Variants in GPR149 observed in about 807,000 individuals in gnomAD.
The protein encoded by GPR149 is G protein-coupled receptor 149, also known as probable G protein-coupled receptor 149.
Under a neutral mutation model 50.2 loss-of-function variants are expected in GPR149, and 50 were observed. The observed-to-expected ratio is 1.00, with a 90% CI of 0.79 to 1.26. The LOEUF (loss-of-function observed/expected upper bound fraction) is 1.26, where lower values mean the gene tolerates loss of function less well. Among genes scored for constraint, GPR149 ranks in the 50% most tolerant of loss-of-function variants. The pLI, the probability that GPR149 is intolerant of heterozygous loss-of-function variation, is 0.00. For missense variants in GPR149, 983 were observed against 895.4 expected (o/e 1.10, Z -1.25); for synonymous variants, 405 against 358.2 (o/e 1.13, Z -1.48).
chr3:154,394,908 C>A (rs2108414660), intron 3 of GPR149, among the ~76,000 whole-genome samples: 1 of 152,200 alleles, frequency 6.6e-6, no homozygotes, highest in Admixed American at 6.5e-5. Context: ...TTGTAATGAT[C>A]TTCTAATAGC....
intron 3 of GPR149, among the ~76,000 whole-genome samples, chr3:154,412,440 C>A (rs979020479): frequency 6.6e-6 from 1 of 152,098 alleles, no homozygotes; most frequent in Non-Finnish European, 1.5e-5. Context: ...AACGACTCAT[C>A]TAAAAAGCTC....
At chr3:154,369,344 G>C (rs2108399841) in intron 3 of GPR149, among the ~76,000 whole-genome samples, 1 of 152,332 alleles carries the variant, frequency 6.6e-6, no homozygotes, top group South Asian at 2.1e-4. Context: ...CCCTTCTACA[G>C]CTAGATCTTT....
At position 154,382,397 on chromosome 3, in the gene GPR149, C is replaced by T. The variant is rs149808948; in HGVS notation, c.1623+38642G>A. Among the ~76,000 whole-genome samples the T allele has an allele frequency of 6.3e-3, 965 of 152,254 alleles. 7 individuals are homozygous for T. Among genetic ancestry groups the T allele is most frequent in the African/African-American group, 0.022 (928 of 41,544 alleles). The stretch of plus-strand genomic sequence containing the variant: ...CCAAGGTGGATGGTGTGGGGAAACA[C>T]TCAGAAATCCAGGAAGGCTGCTGGT... On this transcript the variant is annotated intron_variant, in intron 3 of 3. Transcript: ENST00000389740.
chr3:154,429,709 T>A lies in GPR149; in HGVS notation c.-94A>T. 8.8e-7 allele frequency: 1 copy of A among 1,141,128 alleles called. No homozygotes were observed. The highest frequency in any genetic ancestry group is 2.4e-5 in the East Asian group (1 of 42,502). The allele number at this position is 1,141,128 out of a possible 1,614,324, so 70.7% of individuals were successfully genotyped here. A position where few individuals can be genotyped will look rare whatever the true frequency, so the allele number is the denominator to read the frequency against. On this transcript the variant is annotated 5_prime_UTR_variant, in exon 1 of 4. Transcript: ENST00000389740. ...GCTGCAAATCAGATTTCATTCCTCC[T>A]ACCAAGTTCCCCTCTAGATGTTCTC...
intron 3 of GPR149, among the ~76,000 whole-genome samples, chr3:154,374,442 C>T (rs527590179): frequency 1.4e-4 from 21 of 151,846 alleles, no homozygotes; most frequent in Admixed American, 2.6e-4. Flanking sequence ...TAAAGTGCTG[C>T]GATTACAGGC....
intron 3 of GPR149, 38 bp downstream of exon 3, chr3:154,421,001 C>A: frequency 7.1e-7 from 1 of 1,412,238 alleles, no homozygotes; most frequent in Non-Finnish European, 9.7e-7. Context: ...TATTTAGTAT[C>A]ACTTTCAATT....
chr3:154,378,100 T>A (rs1714835790), intron 3 of GPR149, among the ~76,000 whole-genome samples: 1 of 133,236 alleles, frequency 7.5e-6, no homozygotes, highest in African/African-American at 2.9e-5. Context: ...TTTTTTTTTT[T>A]TGAGATGGAG....
chr3:154,413,125 C>T (rs537845071), intron 3 of GPR149, among the ~76,000 whole-genome samples: 2 of 152,100 alleles, frequency 1.3e-5, no homozygotes, highest in South Asian at 4.1e-4. Flanking sequence ...ACTGGATCCT[C>T]ATCTTTCATC....
intron 1 of GPR149, 77 bp from the exon 2 acceptor site, chr3:154,427,785 G>A: frequency 7.5e-7 from 1 of 1,326,830 alleles, no homozygotes; most frequent in Non-Finnish European, 1.0e-6. Context: ...CACGCACGCT[G>A]CCTCAGTTCC....
At chr3:154,371,342 T>C (rs1714659611) in intron 3 of GPR149, among the ~76,000 whole-genome samples, 1 of 152,146 alleles carries the variant, frequency 6.6e-6, no homozygotes, top group South Asian at 2.1e-4. Context: ...GAACAATGCT[T>C]TCTCTCCTTT....
chr3:154,413,423 C>A (rs748817772), intron 3 of GPR149, among the ~76,000 whole-genome samples: 12 of 151,980 alleles, frequency 7.9e-5, no homozygotes, highest in Non-Finnish European at 1.3e-4. Flanking sequence ...AGAGTGATAT[C>A]TAGAATCTAC....
intron 1 of GPR149, among the ~76,000 whole-genome samples, chr3:154,428,416 T>C (rs961598801): frequency 5.3e-5 from 8 of 152,178 alleles, no homozygotes; most frequent in East Asian, 1.9e-4. Flanking sequence ...CCCTGACTTT[T>C]GAAAGGAGAA....
chr3:154,338,044 T>A lies in GPR149; in HGVS notation c.1851A>T (p.Ile617=), dbSNP rs1713697165. ...SSTFVDTSVK[I]HLEVLEICDN... ...CACAAATTTCAAGAACCTCCAAGTGTATTTTCACACTGGTGTCCACAAACG... is the reference window on the plus strand; with the variant it reads ...CACAAATTTCAAGAACCTCCAAGTGAATTTTCACACTGGTGTCCACAAACG... Residue 617 remains isoleucine (I), a synonymous_variant, in exon 4 of 4, where the codon ATA becomes ATT. Coordinates refer to ENST00000389740, the MANE Select transcript of GPR149 (RefSeq NM_001038705.3). 6.2e-7 allele frequency: 1 copy of A among 1,614,102 alleles called. No individual in the cohort carries two copies. The highest frequency in any genetic ancestry group is 1.3e-5 in the African/African-American group (1 of 74,944).
At chr3:154,368,741 C>T (rs1714597383) in intron 3 of GPR149, among the ~76,000 whole-genome samples, 1 of 152,202 alleles carries the variant, frequency 6.6e-6, no homozygotes, top group Non-Finnish European at 1.5e-5. Flanking sequence ...GCTGTTCTCT[C>T]AGCCCTGGCC....
chr3:154,354,159 C>G (rs1576902167), intron 3 of GPR149: 1 of 492,542 alleles, frequency 2.0e-6, no homozygotes, highest in Admixed American at 3.0e-5. Flanking sequence ...GCCTTGGAAG[C>G]ATCCAGGTCA....
intron 3 of GPR149, among the ~76,000 whole-genome samples, chr3:154,415,140 G>T (rs899640374): frequency 2.5e-5 from 2 of 81,096 alleles, no homozygotes; most frequent in African/African-American, 4.6e-5. Context: ...AGTTCAAGTA[G>T]AGAGTAACCA....
chr3:154,346,001 T>A (rs1713917715), intron 3 of GPR149, among the ~76,000 whole-genome samples: 1 of 152,212 alleles, frequency 6.6e-6, no homozygotes, highest in African/African-American at 2.4e-5. Context: ...TGTATCATGT[T>A]GTTATTTTAA....
Position 154,428,681 on chromosome 3 carries a change from G to A in GPR149, c.935C>T (p.Ala312Val), listed in dbSNP as rs1447288478. ...FTVSVAQKRFALILALTKVVL... is the reference protein window; with the variant it reads ...FTVSVAQKRFVLILALTKVVL... ...GACTTTTGTAAGCGCTAGGATCAAA[G>A]CGAAGCGCTTCTGCGCTACGCTCAC... The change falls in exon 1 of 4, where the codon GCT becomes GTT. Residue 312 changes from alanine to valine, a missense_variant. Ala to Val is a moderately conservative substitution (Grantham distance 64). Coordinates refer to ENST00000389740, the MANE Select transcript of GPR149 (RefSeq NM_001038705.3). The A allele has an allele frequency of 6.2e-7, 1 of 1,614,006 alleles. No individual in the cohort carries two copies. The highest frequency in any genetic ancestry group is 8.5e-7 in the Non-Finnish European group (1 of 1,179,984).
At chr3:154,369,698 A>C (rs553866074) in intron 3 of GPR149, among the ~76,000 whole-genome samples, 1 of 152,374 alleles carries the variant, frequency 6.6e-6, no homozygotes, top group Non-Finnish European at 1.5e-5. Flanking sequence ...GATTTAAAAC[A>C]AATAAAGGCA....
Sources: allele counts gnomAD v4.1 joint callset (sites outside exome capture counted in the v4.1 genomes callset), GRCh38; gene constraint gnomAD v4.1.1; transcripts MANE v1.5; gene names NCBI Gene and HGNC (gene_info 2026-07-23, HGNC 2026-07-21).